The following COA1 variants were observed in gnomAD, a reference collection of about 807,000 sequenced individuals.
The protein encoded by COA1 is cytochrome c oxidase assembly factor 1.
COA1 carries 13 observed loss-of-function variants against 16.0 expected under a neutral mutation model. That is an observed-to-expected ratio of 0.81 (90% confidence interval 0.53 to 1.29). The LOEUF is 1.29. Ranked by LOEUF, COA1 falls within the 50% of genes most tolerant of loss-of-function variation. The pLI, the probability that COA1 is intolerant of heterozygous loss-of-function variation, is 0.00. For missense variants in COA1, 179 were observed against 177.0 expected (o/e 1.01, Z -0.06); for synonymous variants, 65 against 65.7 (o/e 0.99, Z 0.05).
At chr7:43,662,974 G>A (rs1275675356) in intron 1 of COA1, among the ~76,000 whole-genome samples, 1 of 152,140 alleles carries the variant, frequency 6.6e-6, no homozygotes, top group Non-Finnish European at 1.5e-5. Context: ...TATAGTTTGG[G>A]TATTTGTCCC....
chr7:43,619,807 G>A, intron 6 of COA1: 4 of 1,473,058 alleles, frequency 2.7e-6, no homozygotes, highest in Non-Finnish European at 3.7e-6. Context: ...GACTCATAGT[G>A]GAGCCAGCTA....
intron 1 of COA1, among the ~76,000 whole-genome samples, chr7:43,674,456 GCTTA>G (rs2093419696): frequency 6.6e-6 from 1 of 152,130 alleles, no homozygotes; most frequent in Admixed American, 6.5e-5. Flanking sequence ...ACACAACAAA[GCTTA>G]CTTCTTTCTT....
At chr7:43,664,061 A>AT (rs1224491333) in intron 1 of COA1, among the ~76,000 whole-genome samples, 1 of 149,728 alleles carries the variant, frequency 6.7e-6, no homozygotes, top group Non-Finnish European at 1.5e-5. Context: ...CAAAAAATAA[A>AT]TTTTTTTTAA....
chr7:43,710,062 A>T (rs1359323473), intron 1 of COA1, among the ~76,000 whole-genome samples: 1 of 152,108 alleles, frequency 6.6e-6, no homozygotes, highest in East Asian at 1.9e-4. Context: ...TCAAATTATT[A>T]TGAGTTGCCA....
At chr7:43,683,000 C>T (rs191380841) in intron 1 of COA1, among the ~76,000 whole-genome samples, 97 of 152,168 alleles carry the variant, frequency 6.4e-4, no homozygotes, top group Non-Finnish European at 1.1e-3. Flanking sequence ...AGGTGCCCAC[C>T]GCCACGCCTG....
chr7:43,678,774 A>T (rs146423806), intron 1 of COA1, among the ~76,000 whole-genome samples: 193 of 152,338 alleles, frequency 1.3e-3, no homozygotes, highest in African/African-American at 4.5e-3. Context: ...CACACCCATT[A>T]GAATGGCAAT....
intron 1 of COA1, among the ~76,000 whole-genome samples, chr7:43,678,375 T>C (rs1036436760): frequency 6.6e-6 from 1 of 152,094 alleles, no homozygotes; most frequent in African/African-American, 2.4e-5. Flanking sequence ...AGTATAACAC[T>C]CTTAGAAGAA....
At chr7:43,648,420 AAGAC>A (rs1380458404) in intron 2 of COA1, 176 bp downstream of exon 2, 2 of 747,660 alleles carry the variant, frequency 2.7e-6, no homozygotes, top group Non-Finnish European at 4.8e-6. Flanking sequence ...ACACGAGAGA[AAGAC>A]AGAGTGGGAA....
At chr7:43,639,727 G>C (rs1462967708) in intron 5 of COA1, 46 bp from the exon 6 acceptor site, 1 of 1,457,054 alleles carries the variant, frequency 6.9e-7, no homozygotes, top group Admixed American at 1.7e-5. Context: ...TGAAGGCTGA[G>C]GCAACAGCCG....
At chr7:43,643,044 T>C (rs1355031736) in intron 4 of COA1, among the ~76,000 whole-genome samples, 1 of 152,182 alleles carries the variant, frequency 6.6e-6, no homozygotes, top group Admixed American at 6.5e-5. Context: ...TCTGAACTCC[T>C]GTCACTGCAG....
Position 43,715,796 on chromosome 7 carries a change from T to C in COA1, c.-39+13633A>G, listed in dbSNP as rs184882017. Reference sequence around the variant, plus strand: ...CTACCTGATATGACTTGGCTCTGTGTCCCCACTCAAATCTCATCCTGAATC... The same window carrying C: ...CTACCTGATATGACTTGGCTCTGTGCCCCCACTCAAATCTCATCCTGAATC... On this transcript the variant is annotated intron_variant, in intron 1 of 5. Transcript: ENST00000223336. Among the ~76,000 whole-genome samples, 12 of 152,302 alleles carry C rather than the reference T, an allele frequency of 7.9e-5. No individual in the cohort carries two copies. In the East Asian group the frequency reaches 1.9e-3, roughly 25 times the overall value.
At chr7:43,623,290 CAG>C (rs1310453980) in intron 6 of COA1, 1 of 341,344 alleles carries the variant, frequency 2.9e-6, no homozygotes, top group Non-Finnish European at 5.3e-6. Flanking sequence ...CTTAATAACA[CAG>C]AGATTGTCAG....
chr7:43,612,673 C>T (rs556180876), intron 6 of COA1, among the ~76,000 whole-genome samples: 62 of 152,288 alleles, frequency 4.1e-4, no homozygotes, highest in African/African-American at 1.5e-3. Context: ...ATAGTTGCTT[C>T]TATTAAGGAT....
At chr7:43,610,869 C>T (rs1475877932) in intron 6 of COA1, among the ~76,000 whole-genome samples, 1 of 152,126 alleles carries the variant, frequency 6.6e-6, no homozygotes, top group Admixed American at 6.6e-5. Flanking sequence ...GTAATCCCAG[C>T]ACTTTGGGAG....
chr7:43,616,776 A>T (rs1459997533), intron 6 of COA1, among the ~76,000 whole-genome samples: 1 of 151,708 alleles, frequency 6.6e-6, no homozygotes, highest in Non-Finnish European at 1.5e-5. Flanking sequence ...GGGCTCCTGT[A>T]GTCCCAGCTA....
intron 1 of COA1, among the ~76,000 whole-genome samples, chr7:43,698,140 C>A (rs2094587115): frequency 6.6e-6 from 1 of 152,130 alleles, no homozygotes; most frequent in African/African-American, 2.4e-5. Flanking sequence ...AAAGCATAAC[C>A]TATAGAAAAA....
At chr7:43,707,748 T>C (rs2095052008) in intron 1 of COA1, among the ~76,000 whole-genome samples, 1 of 152,220 alleles carries the variant, frequency 6.6e-6, no homozygotes, top group Non-Finnish European at 1.5e-5. Context: ...AAATGTATAA[T>C]AATTTACTTA....
At chr7:43,723,465 G>C (rs1266669858) in intron 1 of COA1, among the ~76,000 whole-genome samples, 1 of 152,198 alleles carries the variant, frequency 6.6e-6, no homozygotes, top group East Asian at 1.9e-4. Flanking sequence ...AGCAGCAATA[G>C]TCACAGCACA....
intron 1 of COA1, among the ~76,000 whole-genome samples, chr7:43,662,938 G>A (rs1040055201): frequency 5.9e-5 from 9 of 152,198 alleles, no homozygotes; most frequent in Non-Finnish European, 1.2e-4. Flanking sequence ...TGCCATACCA[G>A]TATGGATCTG....
Sources: allele counts gnomAD v4.1 joint callset (sites outside exome capture counted in the v4.1 genomes callset), GRCh38; gene constraint gnomAD v4.1.1; transcripts MANE v1.5; gene names NCBI Gene and HGNC (gene_info 2026-07-23, HGNC 2026-07-21).